Variants in IL1RAPL1 observed in about 807,000 individuals in gnomAD.
IL1RAPL1 encodes the protein interleukin 1 receptor accessory protein like 1.
A neutral mutation model predicts 48.4 loss-of-function variants in IL1RAPL1; 3 were observed. The observed-to-expected ratio is 0.06, with a 90% CI of 0.03 to 0.16. The LOEUF is 0.16. Among genes scored for constraint, IL1RAPL1 ranks in the 10% least tolerant of loss-of-function variants. IL1RAPL1 has a pLI of 1.00. For missense variants in IL1RAPL1, 349 were observed against 530.6 expected (o/e 0.66, Z 3.36); for synonymous variants, 185 against 187.7 (o/e 0.99, Z 0.12).
chrX:29,257,295 A>G (rs1302621093), intron 2 of IL1RAPL1, among the ~76,000 whole-genome samples: 1 of 111,398 alleles, frequency 9.0e-6, no homozygotes, highest in African/African-American at 3.3e-5. Flanking sequence ...CTAATGCATT[A>G]TATCATTTGA....
chrX:29,798,207 C>T (rs1165253581), intron 6 of IL1RAPL1, among the ~76,000 whole-genome samples: 1 of 111,939 alleles, frequency 8.9e-6, no homozygotes, highest in African/African-American at 3.3e-5. Flanking sequence ...GTCGGTCTGC[C>T]GTGAGTGAGA....
intron 5 of IL1RAPL1, among the ~76,000 whole-genome samples, chrX:29,548,326 T>C (rs1403069534): frequency 1.8e-5 from 2 of 112,543 alleles, no homozygotes; most frequent in African/African-American, 6.5e-5. Flanking sequence ...GAATGGATTT[T>C]CAGTGCTGTC....
intron 5 of IL1RAPL1, among the ~76,000 whole-genome samples, chrX:29,637,391 GTC>G (rs1406507047): frequency 5.5e-5 from 6 of 109,288 alleles, no homozygotes; most frequent in Non-Finnish European, 1.1e-4. Context: ...AACAGTGGTT[GTC>G]TCTGGCAATT....
At chrX:29,488,354 C>A (rs1935118802) in intron 5 of IL1RAPL1, among the ~76,000 whole-genome samples, 1 of 111,963 alleles carries the variant, frequency 8.9e-6, no homozygotes, top group African/African-American at 3.3e-5. Context: ...AGGAGAATCA[C>A]TTGAACCCAG....
intron 6 of IL1RAPL1, among the ~76,000 whole-genome samples, chrX:29,732,935 T>G (rs891092966): frequency 8.9e-6 from 1 of 111,774 alleles, no homozygotes; most frequent in Non-Finnish European, 1.9e-5. Context: ...TTTTACAAGC[T>G]GAACTGTTCT....
intron 5 of IL1RAPL1, among the ~76,000 whole-genome samples, chrX:29,535,784 C>T (rs1265036587): frequency 2.7e-5 from 3 of 111,883 alleles, no homozygotes; most frequent in African/African-American, 9.7e-5. Context: ...TTATCTTAAA[C>T]CAGGGGGAAT....
chrX:29,835,898 T>TTTTTTC (rs751809384), intron 6 of IL1RAPL1, among the ~76,000 whole-genome samples: 1 of 101,625 alleles, frequency 9.8e-6, no homozygotes, highest in African/African-American at 3.8e-5. Context: ...TTTTTTTTTT[T>TTTTTTC]AGTTAGTTAG....
intron 1 of IL1RAPL1, among the ~76,000 whole-genome samples, chrX:28,711,094 C>T (rs780805380): frequency 1.8e-5 from 2 of 112,004 alleles, no homozygotes; most frequent in East Asian, 5.6e-4. Flanking sequence ...TGCATAGAAG[C>T]AGGGAGGCCT....
At chrX:28,657,759 C>T (rs1303785539) in intron 1 of IL1RAPL1, among the ~76,000 whole-genome samples, 3 of 111,925 alleles carry the variant, frequency 2.7e-5, no homozygotes, top group African/African-American at 9.7e-5. Flanking sequence ...AGAGACCCCC[C>T]TCTAACCCTG....
intron 8 of IL1RAPL1, among the ~76,000 whole-genome samples, chrX:29,931,425 A>T (rs1932947720): frequency 9.0e-6 from 1 of 111,661 alleles, no homozygotes; most frequent in African/African-American, 3.2e-5. Context: ...GAGATAAACT[A>T]TTACCAACAA....
At chrX:28,756,450 T>C (rs1427792320) in intron 1 of IL1RAPL1, among the ~76,000 whole-genome samples, 3 of 111,918 alleles carry the variant, frequency 2.7e-5, no homozygotes, top group Non-Finnish European at 5.6e-5. Context: ...TTTAGCTGTC[T>C]TCTGTGTAGA....
At chrX:29,784,291 C>T (rs1250647929) in intron 6 of IL1RAPL1, among the ~76,000 whole-genome samples, 1 of 110,996 alleles carries the variant, frequency 9.0e-6, no homozygotes, top group Non-Finnish European at 1.9e-5. Context: ...ACTAAGTACC[C>T]TATGTGTTTA....
intron 2 of IL1RAPL1, among the ~76,000 whole-genome samples, chrX:28,896,185 C>T (rs1353294141): frequency 8.9e-6 from 1 of 112,156 alleles, no homozygotes; most frequent in Non-Finnish European, 1.9e-5. Context: ...CTCAGAAATA[C>T]ATTGCTACTT....
rs191689327 is a variant in IL1RAPL1, at chrX:29,716,244, C to G, written c.778+47740C>G. On this transcript the variant is annotated intron_variant, in intron 6 of 10. Transcript: ENST00000378993. Reference sequence around the variant, plus strand: ...AAAGAGATCGATCACTAGATGCAGGCTGCCCAGTAAGAGGAGCATAACATT... The same window carrying G: ...AAAGAGATCGATCACTAGATGCAGGGTGCCCAGTAAGAGGAGCATAACATT... 8.1e-5 allele frequency among the ~76,000 whole-genome samples: 9 copies of G among 111,273 alleles called. No homozygotes were observed. In the East Asian group the frequency reaches 2.5e-3, roughly 31 times the overall value.
chrX:28,607,346 A>G (rs1934094993), intron 1 of IL1RAPL1, among the ~76,000 whole-genome samples: 1 of 111,370 alleles, frequency 9.0e-6, no homozygotes, highest in Non-Finnish European at 1.9e-5. Context: ...AAAATATTTT[A>G]AAGATATAGA....
intron 2 of IL1RAPL1, among the ~76,000 whole-genome samples, chrX:28,986,902 T>G (rs779259501): frequency 8.9e-6 from 1 of 112,135 alleles, no homozygotes; most frequent in South Asian, 3.7e-4. Flanking sequence ...GAAGAGCCAC[T>G]CCGTGATGTA....
chrX:29,370,661 A>G (rs889848602), intron 3 of IL1RAPL1, among the ~76,000 whole-genome samples: 2 of 110,443 alleles, frequency 1.8e-5, no homozygotes, highest in Non-Finnish European at 1.9e-5. Flanking sequence ...CCAATCCAGC[A>G]TTGGGCCTCA....
At chrX:29,454,150 A>G (rs959408144) in intron 5 of IL1RAPL1, among the ~76,000 whole-genome samples, 57 of 112,306 alleles carry the variant, frequency 5.1e-4, no homozygotes, top group African/African-American at 1.8e-3. Flanking sequence ...ATATGCTTTG[A>G]TAAGATTTGC....
chrX:29,944,574 G>A, intron 9 of IL1RAPL1, among the ~76,000 whole-genome samples: 1 of 111,988 alleles, frequency 8.9e-6, no homozygotes, highest in East Asian at 2.8e-4. Context: ...TCATAACCTT[G>A]CTTCTCCAAG....
Sources: allele counts gnomAD v4.1 joint callset (sites outside exome capture counted in the v4.1 genomes callset), GRCh38; gene constraint gnomAD v4.1.1; transcripts MANE v1.5; gene names NCBI Gene and HGNC (gene_info 2026-07-23, HGNC 2026-07-21).